The following MPDZ variants were observed in gnomAD, a reference collection of about 807,000 sequenced individuals.
The protein encoded by MPDZ is multiple PDZ domain crumbs cell polarity complex component.
MPDZ carries 234 observed loss-of-function variants against 239.1 expected under a neutral mutation model. That is an observed-to-expected ratio of 0.98 (90% CI 0.88 to 1.09). The LOEUF (loss-of-function observed/expected upper bound fraction) is 1.09, where lower values mean the gene tolerates loss of function less well. MPDZ is among the 50% of genes least tolerant of loss of function. The pLI is 0.00. For synonymous variants in MPDZ, 1,048 were observed against 881.3 expected, an observed-to-expected ratio of 1.19 and a Z score of -3.35; for missense variants, 3,175 against 2,510.0, an observed-to-expected ratio of 1.26 and a Z score of -5.66.
intron 38 of MPDZ, 26 bp downstream of exon 38, chr9:13,121,713 A>G (rs1944374972): frequency 6.2e-7 from 1 of 1,611,756 alleles, no homozygotes; most frequent in Non-Finnish European, 8.5e-7. Context: ...CCAAGGGAGC[A>G]TTGGGTTTGT....
At position 13,110,061 on chromosome 9, in the gene MPDZ, C is replaced by G. The variant is rs771243192; in HGVS notation, c.5833G>C (p.Val1945Leu). The stretch of plus-strand genomic sequence containing the variant: ...ACCACACTCACGTCTCCTCCAGCAA[C>G]CACCTGCGCACAGGAGGAGGATAAA... ...NASGSIEMQV[V>L]AGGDVSVVTG... Residue 1945 changes from valine (V) to leucine (L), a missense_variant, in exon 45 of 47, where the codon GTT (valine) becomes CTT (leucine). Coordinates refer to ENST00000319217, the MANE Select transcript of MPDZ (RefSeq NM_001378778.1). 6 of 1,611,676 alleles carry G rather than the reference C, an allele frequency of 3.7e-6. No individual in the cohort carries two copies. The African/African-American group carries it at 6.7e-5, about 18-fold the overall frequency.
At position 13,125,951 on chromosome 9, in the gene MPDZ, G is replaced by T. The variant is rs367696574; in HGVS notation, c.4633-561C>A. 5.3e-5 allele frequency among the ~76,000 whole-genome samples: 8 copies of T among 152,248 alleles called. No homozygotes were observed. The East Asian group carries it at 7.7e-4, about 15-fold the overall frequency. ...GCTTCTTACTGTACAATGAAGAAAT[G>T]ATAAGTTATATGGTTCTCTCTCACT... On this transcript the variant is annotated intron_variant, in intron 34 of 46. Transcript: ENST00000319217.
At chr9:13,241,260 G>C (rs764700139) in intron 3 of MPDZ, among the ~76,000 whole-genome samples, 93 of 151,992 alleles carry the variant, frequency 6.1e-4, no homozygotes, top group Non-Finnish European at 1.2e-3. Flanking sequence ...CTAGAGTCTC[G>C]AGAAATAGAT....
intron 3 of MPDZ, among the ~76,000 whole-genome samples, chr9:13,247,252 A>T (rs999106258): frequency 6.6e-6 from 1 of 152,206 alleles, no homozygotes. Context: ...CGCTTATCTG[A>T]AATCTTGTAA....
intron 21 of MPDZ, among the ~76,000 whole-genome samples, chr9:13,173,763 C>T (rs1007424145): frequency 4.6e-5 from 7 of 151,918 alleles, no homozygotes; most frequent in Admixed American, 1.3e-4. Context: ...ATCTGATGTA[C>T]CCAAACCATG....
intron 19 of MPDZ, among the ~76,000 whole-genome samples, chr9:13,181,788 A>C (rs1401250382): frequency 6.6e-6 from 1 of 152,202 alleles, no homozygotes; most frequent in East Asian, 1.9e-4. Flanking sequence ...AACAATTACT[A>C]AGTTAAACAA....
chr9:13,232,436 CTTCAATAAATGG>C (rs1962764740), intron 3 of MPDZ, among the ~76,000 whole-genome samples: 1 of 152,080 alleles, frequency 6.6e-6, no homozygotes, highest in Non-Finnish European at 1.5e-5. Context: ...AGGATGATCT[CTTCAATAAATGG>C]TTCTGGGTCA....
At chr9:13,197,627 C>T (rs1955818133) in intron 12 of MPDZ, among the ~76,000 whole-genome samples, 1 of 151,950 alleles carries the variant, frequency 6.6e-6, no homozygotes, top group Non-Finnish European at 1.5e-5. Context: ...CATTCCAAAT[C>T]TTCTTCCTAT....
intron 24 of MPDZ, 84 bp downstream of exon 24, chr9:13,157,934 G>T: frequency 1.8e-6 from 2 of 1,130,916 alleles, no homozygotes; most frequent in East Asian, 2.5e-5. Context: ...GAAGCAAGTT[G>T]TAATCCAGTA....
chr9:13,256,244 G>GT (rs1436634984), intron 1 of MPDZ, among the ~76,000 whole-genome samples: 3 of 152,178 alleles, frequency 2.0e-5, no homozygotes, highest in Admixed American at 1.3e-4. Flanking sequence ...AGGCTTTGGC[G>GT]TAAGGGAATG....
chr9:13,138,127 G>A lies in MPDZ; in HGVS notation c.4030C>T (p.Leu1344=), dbSNP rs765587977. 1.1e-5 allele frequency: 18 copies of A among 1,598,384 alleles called. No individual in the cohort carries two copies. Among genetic ancestry groups the A allele is most frequent in the Non-Finnish European group, 1.3e-5 (15 of 1,172,078 alleles). ...WKNIRERYGT[L]TGELHMIELE... ...TCAATCATATGCAGCTCGCCTGTTA[G>A]GGTTCCATAACGCTCTCTGATATTT... The change falls in exon 29 of 47, where the codon CTA becomes TTA. Residue 1344 remains leucine, a synonymous_variant. Coordinates refer to ENST00000319217, the MANE Select transcript of MPDZ (RefSeq NM_001378778.1).
chr9:13,226,226 G>A (rs1282474198), intron 3 of MPDZ, among the ~76,000 whole-genome samples: 2 of 152,008 alleles, frequency 1.3e-5, no homozygotes, highest in African/African-American at 2.4e-5. Flanking sequence ...TAACAACAAC[G>A]GAAAAGATCA....
At chr9:13,235,814 T>C (rs1175240451) in intron 3 of MPDZ, among the ~76,000 whole-genome samples, 1 of 152,100 alleles carries the variant, frequency 6.6e-6, no homozygotes, top group African/African-American at 2.4e-5. Context: ...AACTGTGAAC[T>C]ATAAAATTAA....
At chr9:13,172,529 CCCACCA>C (rs1951920660) in intron 21 of MPDZ, among the ~76,000 whole-genome samples, 1 of 151,702 alleles carries the variant, frequency 6.6e-6, no homozygotes. Context: ...ATTACAGGTG[CCCACCA>C]CCACCACGCT....
chr9:13,231,648 G>A (rs1021056453), intron 3 of MPDZ, among the ~76,000 whole-genome samples: 5 of 151,546 alleles, frequency 3.3e-5, no homozygotes, highest in Admixed American at 6.6e-5. Context: ...AACAAGAACA[G>A]GTTTAGAGAG....
At chr9:13,128,487 G>A (rs982047519) in intron 32 of MPDZ, among the ~76,000 whole-genome samples, 2 of 152,140 alleles carry the variant, frequency 1.3e-5, no homozygotes, top group African/African-American at 4.8e-5. Context: ...GCAATGTGTC[G>A]GCAATTGCAC....
chr9:13,221,694 T>C (rs1006067364), intron 6 of MPDZ, among the ~76,000 whole-genome samples, 194 bp from the exon 7 acceptor site: 2 of 152,072 alleles, frequency 1.3e-5, no homozygotes, highest in Non-Finnish European at 1.5e-5. Context: ...GACAGAATCA[T>C]TCTTGAAATT....
intron 19 of MPDZ, among the ~76,000 whole-genome samples, chr9:13,180,638 G>A (rs966532469): frequency 6.6e-6 from 1 of 152,098 alleles, no homozygotes; most frequent in Non-Finnish European, 1.5e-5. Flanking sequence ...CATATCTTTG[G>A]AGGTAACAAG....
chr9:13,184,520 G>A (rs1007263692), intron 18 of MPDZ, among the ~76,000 whole-genome samples: 1 of 151,574 alleles, frequency 6.6e-6, no homozygotes, highest in Non-Finnish European at 1.5e-5. Flanking sequence ...AAATACCTGT[G>A]GGCCATTTTG....
Sources: gnomAD v4.1 joint callset for allele counts (sites outside exome capture counted in the v4.1 genomes callset) on GRCh38, gnomAD v4.1.1 for gene constraint, MANE v1.5 for transcripts, NCBI Gene and HGNC (gene_info 2026-07-23, HGNC 2026-07-21) for gene names.